PRKCQ: variants seen among roughly 807,000 people sequenced by gnomAD.
The protein encoded by PRKCQ is protein kinase C theta type.
A neutral mutation model predicts 91.2 loss-of-function variants in PRKCQ; 41 were observed. The ratio of observed to expected loss-of-function variants is 0.45; its 90% confidence interval spans 0.35 to 0.58. The LOEUF is 0.58. Ranked by LOEUF, PRKCQ falls within the 20% of genes least tolerant of loss-of-function variation. The pLI is 0.00. For missense variants in PRKCQ, 673 were observed against 896.5 expected, an observed-to-expected ratio of 0.75 and a Z score of 3.18; for synonymous variants, 307 against 316.9, an observed-to-expected ratio of 0.97 and a Z score of 0.33.
chr10:6,513,365 G>C (rs1671411138), intron 2 of PRKCQ, among the ~76,000 whole-genome samples: 1 of 150,052 alleles, frequency 6.7e-6, no homozygotes, highest in African/African-American at 2.5e-5. Flanking sequence ...CTAATATTTA[G>C]GAAAACCAGT....
chr10:6,522,491 G>A (rs779859732), intron 1 of PRKCQ, among the ~76,000 whole-genome samples: 2 of 152,244 alleles, frequency 1.3e-5, no homozygotes, highest in Admixed American at 1.3e-4. Flanking sequence ...CCCAGAATGC[G>A]TTTATAGAGA....
chr10:6,427,660 T>A lies in PRKCQ; in HGVS notation c.*547A>T. 6.6e-6 allele frequency: 1 copy of A among 152,410 alleles called. No homozygotes were observed. The highest frequency in any genetic ancestry group is 1.5e-5 in the Non-Finnish European group (1 of 68,338). The allele number at this position is 152,410 out of a possible 1,614,324, so 9.4% of individuals were successfully genotyped here. A position where few individuals can be genotyped will look rare whatever the true frequency, so the allele number is the denominator to read the frequency against. On this transcript the variant is annotated 3_prime_UTR_variant, in exon 18 of 18. Coordinates refer to ENST00000263125, the MANE Select transcript of PRKCQ (RefSeq NM_006257.5). ...ATCTCAAGTTACAAGCTATGTTTAT[T>A]GTAAAGAATTCCCATAAAAACCTAT... is the stretch of plus-strand genomic sequence containing the variant.
intron 3 of PRKCQ, among the ~76,000 whole-genome samples, chr10:6,508,639 T>C (rs923116760): frequency 1.5e-4 from 23 of 152,252 alleles, no homozygotes; most frequent in African/African-American, 5.1e-4. Context: ...ACCATTGTTC[T>C]CTGGCTTGTG....
chr10:6,413,314 C>CA, the PRKCQ span, among the ~76,000 whole-genome samples: 83,077 of 151,944 alleles, frequency 0.55, 23,217 homozygotes, highest in African/African-American at 0.62. Context: ...CTTTAAACAG[C>CA]AAAAACAAAT....
At chr10:6,462,067 A>G (rs555107104) in intron 14 of PRKCQ, among the ~76,000 whole-genome samples, 22 of 152,242 alleles carry the variant, frequency 1.4e-4, no homozygotes, top group Non-Finnish European at 2.1e-4. Context: ...AAGGAATTCA[A>G]GTGAGAACCA....
At chr10:6,562,494 G>A (rs1840672816) in intron 1 of PRKCQ, among the ~76,000 whole-genome samples, 1 of 152,170 alleles carries the variant, frequency 6.6e-6, no homozygotes, top group African/African-American at 2.4e-5. Context: ...CAACCAGAGT[G>A]AGTGTTCTCT....
In PRKCQ at chr10:6,497,359, T is replaced by C; in HGVS notation, c.543-108A>G. 1 of 1,295,844 alleles carries C rather than the reference T, an allele frequency of 7.7e-7. No individual in the cohort carries two copies. The highest frequency in any genetic ancestry group is 1.1e-6 in the Non-Finnish European group (1 of 895,480). 80.3% of individuals were successfully genotyped at this position (1,295,844 alleles called of 1,614,324 possible). On this transcript the variant is annotated intron_variant, in intron 5 of 17. Transcript: ENST00000263125. The surrounding 1 kb of genome is among the most constrained non-coding windows in gnomAD (Gnocchi z 4.5). ...ATAACCCCCTAAGATCACAGAGCAGTTTCTGATCAGCAGCCCTGTTGTATC... is the reference window on the plus strand; with the variant it reads ...ATAACCCCCTAAGATCACAGAGCAGCTTCTGATCAGCAGCCCTGTTGTATC...
At chr10:6,530,699 A>G (rs1465969113) in intron 1 of PRKCQ, among the ~76,000 whole-genome samples, 1 of 152,252 alleles carries the variant, frequency 6.6e-6, no homozygotes, top group Non-Finnish European at 1.5e-5. Context: ...GCAGTCAGAA[A>G]CGTCGCCAGC....
At chr10:6,510,409 T>C (rs937180442) in intron 3 of PRKCQ, among the ~76,000 whole-genome samples, 3 of 152,208 alleles carry the variant, frequency 2.0e-5, no homozygotes, top group Non-Finnish European at 4.4e-5. Context: ...TGTCAAAGTA[T>C]AGAGAGAGAA....
At chr10:6,558,447 T>A (rs1386431604) in intron 1 of PRKCQ, among the ~76,000 whole-genome samples, 2 of 152,194 alleles carry the variant, frequency 1.3e-5, no homozygotes, top group African/African-American at 2.4e-5. Context: ...CTGATTTAAT[T>A]TGCAAAACCA....
In PRKCQ at chr10:6,428,307, C is replaced by T. The variant is rs759922021; in HGVS notation, c.2021G>A (p.Arg674Gln). The change falls in exon 18 of 18, where the codon CGG becomes CAG. Residue 674 changes from arginine to glutamine, a missense_variant. Arg to Gln is a conservative substitution (Grantham distance 43). Transcript: ENST00000263125. ...FDKEFLNEKP[R>Q]LSFADRALIN... ...CAGTGCTCTGTCGGCAAATGACAGC[C>T]GGGGCTTCTCGTTTAAGAATTCTTT... 220 of 1,613,960 alleles carry T rather than the reference C, an allele frequency of 1.4e-4. No individual in the cohort carries two copies. The highest frequency in any genetic ancestry group is 8.9e-4 in the East Asian group (40 of 44,894).
chr10:6,543,913 T>C (rs757906769), intron 1 of PRKCQ, among the ~76,000 whole-genome samples: 1 of 152,142 alleles, frequency 6.6e-6, no homozygotes. Flanking sequence ...GAGCAGAAGG[T>C]GCCAGCCCTT....
At chr10:6,503,661 C>G (rs534284110) in intron 4 of PRKCQ, among the ~76,000 whole-genome samples, 2 of 144,638 alleles carry the variant, frequency 1.4e-5, no homozygotes, top group African/African-American at 2.4e-5. Context: ...AATCATTTTC[C>G]TCCTCTTTCC....
intron 13 of PRKCQ, among the ~76,000 whole-genome samples, chr10:6,462,660 A>AT (rs898302603): frequency 1.9e-4 from 29 of 151,958 alleles, no homozygotes; most frequent in Admixed American, 1.2e-3. Context: ...TCACATTGTC[A>AT]TTTTTTTTGT....
In PRKCQ at chr10:6,485,271, T is replaced by G; in HGVS notation, c.901-2A>C. On this transcript the variant is annotated splice_acceptor_variant, in intron 9 of 17. Coordinates refer to ENST00000263125, the MANE Select transcript of PRKCQ (RefSeq NM_006257.5). LOFTEE classifies it high-confidence loss of function. ...TTCAGTATCTCTTAAGCAGCGAGCC[T>G]GGATGACAAACAGAGAGTCAGACCA... 6.2e-7 allele frequency: 1 copy of G among 1,612,814 alleles called. No homozygotes were observed. The highest frequency in any genetic ancestry group is 8.5e-7 in the Non-Finnish European group (1 of 1,179,104).
Position 6,440,423 on chromosome 10 carries a change from T to C in PRKCQ, c.1836+1470A>G, listed in dbSNP as rs187764366. On this transcript the variant is annotated intron_variant, in intron 16 of 17. Transcript: ENST00000263125. ...AGTATTTCTGCAGAACCTAGTAGAG[T>C]GCCTCATTGAAGTCTCAGCTTTAGC... Among the ~76,000 whole-genome samples the C allele has an allele frequency of 4.0e-4, 61 of 152,268 alleles. 1 individual carries two copies. The highest frequency in any genetic ancestry group is 1.4e-3 in the African/African-American group (59 of 41,544).
intron 11 of PRKCQ, among the ~76,000 whole-genome samples, chr10:6,482,421 C>A (rs143641043): frequency 6.6e-6 from 1 of 152,010 alleles, no homozygotes; most frequent in Non-Finnish European, 1.5e-5. Flanking sequence ...CACAGTGAGA[C>A]GTCATCTCAA....
chr10:6,484,676 G>A (rs986443103), intron 10 of PRKCQ, among the ~76,000 whole-genome samples: 1 of 152,104 alleles, frequency 6.6e-6, no homozygotes, highest in African/African-American at 2.4e-5. Context: ...AAACGACTCA[G>A]GTCTCAGAAA....
intron 1 of PRKCQ, among the ~76,000 whole-genome samples, chr10:6,553,513 AAAAACAAAC>A (rs1488590098): frequency 1.1e-5 from 1 of 87,728 alleles, no homozygotes; most frequent in Admixed American, 1.1e-4. Context: ...AAAAAAAAAA[AAAAACAAAC>A]AAACAAAAGA....
Sources: gnomAD v4.1 joint callset for allele counts (sites outside exome capture counted in the v4.1 genomes callset) on GRCh38, gnomAD v4.1.1 for gene constraint, Gnocchi (gnomAD v3.1) non-coding constraint, MANE v1.5 for transcripts, NCBI Gene and HGNC (gene_info 2026-07-23, HGNC 2026-07-21) for gene names.